The following ATP6V0B variants were observed in gnomAD, a reference collection of about 807,000 sequenced individuals.
ATP6V0B encodes the protein V-type proton ATPase 21 kDa proteolipid subunit c''.
Under a neutral mutation model 26.2 loss-of-function variants are expected in ATP6V0B, and 4 were observed. The ratio of observed to expected loss-of-function variants is 0.15; its 90% confidence interval spans 0.08 to 0.35. ATP6V0B has a LOEUF of 0.35. Ranked by LOEUF, ATP6V0B falls within the 10% of genes least tolerant of loss-of-function variation. The probability of loss-of-function intolerance (pLI) is 1.00; values close to 1 mark genes in which losing one functional copy is unlikely to be tolerated. For synonymous variants in ATP6V0B, 110 were observed against 105.8 expected, an observed-to-expected ratio of 1.04 and a Z score of -0.24; for missense variants, 175 against 272.5, an observed-to-expected ratio of 0.64 and a Z score of 2.52.
intron 7 of ATP6V0B, 28 bp from the exon 8 acceptor site, chr1:43,977,953 C>A (rs2085541820): frequency 6.2e-7 from 1 of 1,614,068 alleles, no homozygotes; most frequent in African/African-American, 1.3e-5. Context: ...TCTGTCCCTG[C>A]CTGATTTCTC....
Position 43,976,596 on chromosome 1 carries a change from C to T in ATP6V0B, c.285C>T (p.Ile95=), listed in dbSNP as rs766950507. The T allele has an allele frequency of 6.2e-7, 1 of 1,614,130 alleles. No homozygotes were observed. Among genetic ancestry groups the T allele is most frequent in the South Asian group, 1.1e-5 (1 of 91,064 alleles). ...TAATCTCTACCACTACCAGCATCATCTTCTGTGAGGCTGTGGCCATCTACG... is the reference window on the plus strand; with the variant it reads ...TAATCTCTACCACTACCAGCATCATTTTCTGTGAGGCTGTGGCCATCTACG... ...RIKTKNLVSI[I]FCEAVAIYGI... Residue 95 remains isoleucine, a synonymous_variant, in exon 5 of 8, where the codon ATC becomes ATT. Transcript: ENST00000472174. The surrounding 1 kb of genome is among the most constrained non-coding windows in gnomAD (Gnocchi z 4.6).
At chr1:43,975,359 C>A (rs1302534472) in intron 1 of ATP6V0B, 12 of 576,760 alleles carry the variant, frequency 2.1e-5, no homozygotes, top group Middle Eastern at 2.6e-4. Context: ...CGCTGTCTCC[C>A]CTCGCTCCCA....
At chr1:43,975,531 T>G in intron 1 of ATP6V0B, 1 of 573,472 alleles carries the variant, frequency 1.7e-6, no homozygotes, top group Non-Finnish European at 3.1e-6. Context: ...CTGGAGCGCT[T>G]GCTCCCTCGG....
At chr1:43,975,971 C>T in intron 2 of ATP6V0B, 119 bp from the exon 3 acceptor site, 8 of 1,508,224 alleles carry the variant, frequency 5.3e-6, no homozygotes, top group South Asian at 4.7e-5. Context: ...TTGGGAAATA[C>T]GCGGTCAGTT....
chr1:43,976,573 A>C lies in ATP6V0B; in HGVS notation c.279-17A>C. 1 of 1,613,746 alleles carries C rather than the reference A, an allele frequency of 6.2e-7. No individual in the cohort carries two copies. The highest frequency in any genetic ancestry group is 1.1e-5 in the South Asian group (1 of 91,046). ...TTCTCCTTTCCACTCCTTACCCCTA[A>C]TCTCTACCACTACCAGCATCATCTT... On this transcript the variant is annotated splice_polypyrimidine_tract_variant and intron_variant, in intron 4 of 7. Coordinates refer to ENST00000472174, the MANE Select transcript of ATP6V0B (RefSeq NM_004047.5). This position sits in a 1 kb window ranked among gnomAD's most constrained non-coding sequence, Gnocchi z 4.6.
At position 43,977,201 on chromosome 1, in the gene ATP6V0B, C is replaced by A; in HGVS notation, c.576C>A (p.Ile192=). 1 of 1,614,250 alleles carries A rather than the reference C, an allele frequency of 6.2e-7. No homozygotes were observed. Among genetic ancestry groups the A allele is most frequent in the Non-Finnish European group, 8.5e-7 (1 of 1,180,044 alleles). Reference sequence around the variant, plus strand: ...GCGCCATTGGCCTCTTTGGGGTCATCGTCGCAATTCTTCAGGTGATGAATC... The same window carrying A: ...GCGCCATTGGCCTCTTTGGGGTCATAGTCGCAATTCTTCAGGTGATGAATC... ...FGSAIGLFGV[I]VAILQTSRVK... Residue 192 remains isoleucine (I), a synonymous_variant, in exon 7 of 8, where the codon ATC becomes ATA. Transcript: ENST00000472174.
At chr1:43,975,335 C>G (rs996138590) in intron 1 of ATP6V0B, 6 of 597,778 alleles carry the variant, frequency 1.0e-5, no homozygotes, top group Non-Finnish European at 1.8e-5. Flanking sequence ...AGCACTCCCC[C>G]GTCCTGCCAC....
chr1:43,977,134 C>G lies in ATP6V0B; in HGVS notation c.509C>G (p.Pro170Arg), dbSNP rs1200076424. ...GCTGCCCTGGCCGATGCTCAGAACC[C>G]CAGCCTCTTTGTAAAGATTCTCATC... is the stretch of plus-strand genomic sequence containing the variant. ...SGAALADAQN[P>R]SLFVKILIVE... The change falls in exon 7 of 8, where the codon CCC (proline) becomes CGC (arginine). Residue 170 changes from proline to arginine, a missense_variant. Transcript: ENST00000472174. 1 of 1,614,258 alleles carries G rather than the reference C, an allele frequency of 6.2e-7. No individual in the cohort carries two copies. Among genetic ancestry groups the G allele is most frequent in the Non-Finnish European group, 8.5e-7 (1 of 1,180,048 alleles).
In ATP6V0B at chr1:43,978,246, A is replaced by T. The variant is rs2085548183; in HGVS notation, c.*239A>T. 2 of 602,928 alleles carry T rather than the reference A, an allele frequency of 3.3e-6. No individual in the cohort carries two copies. The highest frequency in any genetic ancestry group is 5.9e-6 in the Non-Finnish European group (2 of 338,244). 37.3% of individuals were successfully genotyped at this position (602,928 alleles called of 1,614,324 possible). A position where few individuals can be genotyped will look rare whatever the true frequency, so the allele number is the denominator to read the frequency against. ...ACCTGTGTCCCCCACCTCCACCCTC[A>T]ACCCATCTTCCTAGTGTTTGTGAAA... On this transcript the variant is annotated 3_prime_UTR_variant, in exon 8 of 8. Coordinates refer to ENST00000472174, the MANE Select transcript of ATP6V0B (RefSeq NM_004047.5).
intron 1 of ATP6V0B, 76 bp downstream of exon 1, chr1:43,975,183 C>T: frequency 1.4e-6 from 2 of 1,394,618 alleles, no homozygotes; most frequent in South Asian, 2.9e-5. Flanking sequence ...GGGAAGTGGC[C>T]TGCGGGGAAT....
chr1:43,975,384 C>A (rs1396065199), intron 1 of ATP6V0B: 1 of 563,086 alleles, frequency 1.8e-6, no homozygotes, highest in Non-Finnish European at 3.1e-6. Flanking sequence ...TCACTGCTGT[C>A]CCCCCTTTCT....
chr1:43,978,129 T>A lies in ATP6V0B; in HGVS notation c.*122T>A. 7.1e-7 allele frequency: 1 copy of A among 1,399,052 alleles called. No homozygotes were observed. The allele number at this position is 1,399,052 out of a possible 1,614,324, so 86.7% of individuals were successfully genotyped here. A position where few individuals can be genotyped will look rare whatever the true frequency, so the allele number is the denominator to read the frequency against. On this transcript the variant is annotated 3_prime_UTR_variant, in exon 8 of 8. Transcript: ENST00000472174. ...GTTCAGGGCCCTCCCTGCACTCCCC[T>A]CTTGCTGCGTGTTGATTTGGAGGCA...
At position 43,975,249 on chromosome 1, in the gene ATP6V0B, C is replaced by T. The variant is rs1161083961; in HGVS notation, c.67+142C>T. On this transcript the variant is annotated intron_variant, in intron 1 of 7. Transcript: ENST00000472174. Reference sequence around the variant, plus strand: ...CTCTGGGGACTTGCGCCTGCGAGGGCCTCTGACTCCGACAAAGGAGACCCG... The same window carrying T: ...CTCTGGGGACTTGCGCCTGCGAGGGTCTCTGACTCCGACAAAGGAGACCCG... 5.6e-6 allele frequency: 6 copies of T among 1,070,600 alleles called. No homozygotes were observed. In the Admixed American group the frequency reaches 9.6e-5, roughly 17 times the overall value. The allele number at this position is 1,070,600 out of a possible 1,614,324, so 66.3% of individuals were successfully genotyped here.
chr1:43,974,971 C>G lies in ATP6V0B; in HGVS notation c.-70C>G. The G allele has an allele frequency of 8.5e-7, 1 of 1,169,778 alleles. No homozygotes were observed. The highest frequency in any genetic ancestry group is 1.1e-6 in the Non-Finnish European group (1 of 920,228). The allele number at this position is 1,169,778 out of a possible 1,614,324, so 72.5% of individuals were successfully genotyped here. A position where few individuals can be genotyped will look rare whatever the true frequency, so the allele number is the denominator to read the frequency against. Reference sequence around the variant, plus strand: ...CGGGGCGGGCGGACAGACTGCGGGACGGACGGTGGACGCTGGGACGCGTTT... The same window carrying G: ...CGGGGCGGGCGGACAGACTGCGGGAGGGACGGTGGACGCTGGGACGCGTTT... On this transcript the variant is annotated 5_prime_UTR_variant, in exon 1 of 8. Transcript: ENST00000472174.
chr1:43,975,240 C>T, intron 1 of ATP6V0B, 133 bp downstream of exon 1: 1 of 1,128,740 alleles, frequency 8.9e-7, no homozygotes, highest in South Asian at 1.4e-5. Context: ...GGACTTGCGC[C>T]TGCGAGGGCC....
intron 1 of ATP6V0B, 34 bp downstream of exon 1, chr1:43,975,141 C>A (rs866801704): frequency 7.8e-6 from 11 of 1,409,040 alleles, no homozygotes; most frequent in Middle Eastern, 3.7e-4. Context: ...GGAGCAGCAT[C>A]GCGGCCGAGC....
In ATP6V0B at chr1:43,976,071, T is replaced by C; in HGVS notation, c.117-19T>C. ...TCCCTGCTAGAGCTGAACTGCTTTC[T>C]TCTCTGCTTCCACAACAGGTTCCTG... On this transcript the variant is annotated intron_variant, in intron 2 of 7. Transcript: ENST00000472174. This position sits in a 1 kb window ranked among gnomAD's most constrained non-coding sequence, Gnocchi z 4.6. 6.2e-7 allele frequency: 1 copy of C among 1,612,398 alleles called. No individual in the cohort carries two copies. The highest frequency in any genetic ancestry group is 8.5e-7 in the Non-Finnish European group (1 of 1,178,426).
At chr1:43,977,321 T>G (rs763129145) in intron 7 of ATP6V0B, 105 bp downstream of exon 7, 1 of 1,600,006 alleles carries the variant, frequency 6.2e-7, no homozygotes, top group Non-Finnish European at 8.5e-7. Flanking sequence ...TAACTATAGA[T>G]TCCCCCAAAC....
chr1:43,975,428 C>T (rs2085507100), intron 1 of ATP6V0B: 1 of 548,650 alleles, frequency 1.8e-6, no homozygotes, highest in Non-Finnish European at 3.2e-6. Flanking sequence ...CACAAGCCGG[C>T]TGCTCCGGTT....
Sources: gnomAD v4.1 joint callset for allele counts on GRCh38, gnomAD v4.1.1 for gene constraint, Gnocchi (gnomAD v3.1) non-coding constraint, MANE v1.5 for transcripts, NCBI Gene and HGNC (gene_info 2026-07-23, HGNC 2026-07-21) for gene names.